Variants in FRMD4A observed in about 807,000 individuals in gnomAD.
FRMD4A encodes FERM domain containing 4A.
A neutral mutation model predicts 129.1 loss-of-function variants in FRMD4A; 29 were observed. That is an observed-to-expected ratio of 0.22 (90% confidence interval 0.17 to 0.31). The LOEUF (loss-of-function observed/expected upper bound fraction) is 0.31, where lower values mean the gene tolerates loss of function less well. Among genes scored for constraint, FRMD4A ranks in the 10% least tolerant of loss-of-function variants. The pLI, the probability that FRMD4A is intolerant of heterozygous loss-of-function variation, is 1.00. For synonymous variants in FRMD4A, 634 were observed against 571.6 expected, an observed-to-expected ratio of 1.11 and a Z score of -1.56; for missense variants, 1,272 against 1,375.8, an observed-to-expected ratio of 0.92 and a Z score of 1.19.
chr10:13,958,828 A>G (rs1588551493), intron 2 of FRMD4A, among the ~76,000 whole-genome samples: 2 of 145,840 alleles, frequency 1.4e-5, no homozygotes, highest in South Asian at 2.2e-4. Flanking sequence ...CAGGTGATCC[A>G]CCTGCCTCGG....
rs567335585 is a variant in FRMD4A at position 13,868,961 on chromosome 10, A to C, written c.46-10049T>G. Among the ~76,000 whole-genome samples, 3 of 152,346 alleles carry C rather than the reference A, an allele frequency of 2.0e-5. No homozygotes were observed. In the South Asian group the frequency reaches 6.2e-4, roughly 32 times the overall value. On this transcript the variant is annotated intron_variant, in intron 2 of 24. Coordinates refer to ENST00000357447, the MANE Select transcript of FRMD4A (RefSeq NM_018027.5). Reference sequence around the variant, plus strand: ...TAATAGAAAATGGAAATAGCAATGCATTCTTCAAAGCTCAACCCTCTGCGG... The same window carrying C: ...TAATAGAAAATGGAAATAGCAATGCCTTCTTCAAAGCTCAACCCTCTGCGG...
At chr10:14,058,994 G>A (rs529163562) in intron 2 of FRMD4A, among the ~76,000 whole-genome samples, 61 of 152,154 alleles carry the variant, frequency 4.0e-4, no homozygotes, top group Non-Finnish European at 7.8e-4. Flanking sequence ...CAATGACAAT[G>A]CATTTGGATA....
Position 13,656,752 on chromosome 10 carries a change from G to C in FRMD4A, c.2837C>G (p.Ser946Trp), listed in dbSNP as rs983630296. 4.4e-6 allele frequency: 7 copies of C among 1,598,808 alleles called. No individual in the cohort carries two copies. Among genetic ancestry groups the C allele is most frequent in the Middle Eastern group, 1.9e-4 (1 of 5,308 alleles). ...GTCCGAGGAGGTGGAGCTGGTGTGC[G>C]ACAGGCGGCTGTGCTCCTTGTGCGA... The part of the protein sequence containing the change: ...TASHKEHSRL[S>W]HTSSTSSDSG... Residue 946 changes from serine (S) to tryptophan (W), a missense_variant, in exon 22 of 25, where the codon TCG (serine) becomes TGG (tryptophan). Physicochemically the swap from Ser to Trp is radical, Grantham distance 177. Transcript: ENST00000357447.
chr10:13,747,348 C>A (rs1019297019), intron 9 of FRMD4A, among the ~76,000 whole-genome samples: 1 of 151,592 alleles, frequency 6.6e-6, no homozygotes, highest in African/African-American at 2.4e-5. Flanking sequence ...ACCAGCCTGG[C>A]CAACATGGTG....
At chr10:14,191,817 C>CAA (rs1842327980) in intron 2 of FRMD4A, among the ~76,000 whole-genome samples, 1 of 148,010 alleles carries the variant, frequency 6.8e-6, no homozygotes, top group Admixed American at 6.8e-5. Flanking sequence ...CTCTCTCTCT[C>CAA]TCTCTCTCCT....
intron 4 of FRMD4A, among the ~76,000 whole-genome samples, chr10:13,801,049 C>A (rs1021804499): frequency 1.3e-5 from 2 of 152,150 alleles, no homozygotes; most frequent in South Asian, 2.1e-4. Flanking sequence ...GAGATCGAGA[C>A]CATCCTGGCC....
intron 7 of FRMD4A, 70 bp from the exon 8 acceptor site, chr10:13,761,739 A>C (rs1475300642): frequency 2.0e-6 from 2 of 1,024,144 alleles, no homozygotes; most frequent in African/African-American, 3.2e-5. Flanking sequence ...AGTACATTCT[A>C]TAATCATGAG....
chr10:13,884,981 C>T (rs2131142059), intron 2 of FRMD4A, among the ~76,000 whole-genome samples: 1 of 152,346 alleles, frequency 6.6e-6, no homozygotes, highest in East Asian at 1.9e-4. Flanking sequence ...CTGGCTTCTT[C>T]TACCTCGATG....
At chr10:13,820,347 A>G (rs1258849708) in intron 3 of FRMD4A, among the ~76,000 whole-genome samples, 1 of 152,136 alleles carries the variant, frequency 6.6e-6, no homozygotes, top group Non-Finnish European at 1.5e-5. Context: ...CGAAGCCTGC[A>G]TTGACATTGG....
At chr10:13,889,889 A>G (rs2094674403) in intron 2 of FRMD4A, among the ~76,000 whole-genome samples, 1 of 152,264 alleles carries the variant, frequency 6.6e-6, no homozygotes, top group African/African-American at 2.4e-5. Context: ...ATTTCAAAGC[A>G]TGTCCAAATA....
At chr10:14,004,414 C>A (rs2446594) in intron 2 of FRMD4A, among the ~76,000 whole-genome samples, 1 of 151,918 alleles carries the variant, frequency 6.6e-6, no homozygotes, top group Non-Finnish European at 1.5e-5. Flanking sequence ...TGGTGGCGCA[C>A]GCCTGTAATA....
chr10:14,001,991 CTT>C (rs1565172990), intron 2 of FRMD4A, among the ~76,000 whole-genome samples: 1 of 152,194 alleles, frequency 6.6e-6, no homozygotes, highest in African/African-American at 2.4e-5. Flanking sequence ...ATTCCGAATT[CTT>C]AAGTTATGCA....
chr10:14,204,863 T>C (rs186556175), intron 2 of FRMD4A, among the ~76,000 whole-genome samples: 1 of 151,988 alleles, frequency 6.6e-6, no homozygotes, highest in African/African-American at 2.4e-5. Flanking sequence ...ATCAAGCCTA[T>C]TGAACGCGAA....
intron 2 of FRMD4A, among the ~76,000 whole-genome samples, chr10:13,974,034 TTTTTTC>T (rs1194540722): frequency 7.5e-6 from 1 of 133,866 alleles, no homozygotes; most frequent in African/African-American, 2.8e-5. Context: ...TTTTTTTTTT[TTTTTTC>T]TTTCTGGGAC....
chr10:13,827,884 C>G (rs939189912), intron 3 of FRMD4A, among the ~76,000 whole-genome samples: 1 of 152,220 alleles, frequency 6.6e-6, no homozygotes, highest in Non-Finnish European at 1.5e-5. Context: ...CTCTTTAATG[C>G]TGGGCTCAAC....
intron 2 of FRMD4A, among the ~76,000 whole-genome samples, chr10:14,153,638 C>T (rs930561295): frequency 6.6e-6 from 1 of 152,048 alleles, no homozygotes; most frequent in African/African-American, 2.4e-5. Flanking sequence ...AAGGGTCAGG[C>T]GAAAAGGAAA....
At chr10:13,771,921 A>G (rs1185732213) in intron 6 of FRMD4A, among the ~76,000 whole-genome samples, 1 of 151,612 alleles carries the variant, frequency 6.6e-6, no homozygotes, top group Non-Finnish European at 1.5e-5. Context: ...TTCACTTTGA[A>G]ACAAAACCAA....
At chr10:14,124,097 A>C (rs556764559) in intron 2 of FRMD4A, among the ~76,000 whole-genome samples, 55 of 152,266 alleles carry the variant, frequency 3.6e-4, no homozygotes, top group African/African-American at 1.2e-3. Context: ...AAGTAAATGA[A>C]ACTGTCCTGA....
intron 2 of FRMD4A, among the ~76,000 whole-genome samples, chr10:13,964,216 C>G (rs954026501): frequency 1.3e-5 from 2 of 151,316 alleles, no homozygotes; most frequent in East Asian, 3.9e-4. Flanking sequence ...CCAAAGAAAA[C>G]CAAAACAAAA....
Sources: gnomAD v4.1 joint callset for allele counts (sites outside exome capture counted in the v4.1 genomes callset) on GRCh38, gnomAD v4.1.1 for gene constraint, MANE v1.5 for transcripts, NCBI Gene and HGNC (gene_info 2026-07-23, HGNC 2026-07-21) for gene names.